The following RBFOX1 variants were observed in gnomAD, a reference collection of about 807,000 sequenced individuals.
The protein encoded by RBFOX1 is RNA binding protein fox-1 homolog 1.
Under a neutral mutation model 57.7 loss-of-function variants are expected in RBFOX1, and 8 were observed. The ratio of observed to expected loss-of-function variants is 0.14; its 90% confidence interval spans 0.08 to 0.25. The LOEUF is 0.25. Ranked by LOEUF, RBFOX1 falls within the 10% of genes least tolerant of loss-of-function variation. The pLI, the probability that RBFOX1 is intolerant of heterozygous loss-of-function variation, is 1.00. For missense variants in RBFOX1, 611 were observed against 548.5 expected (o/e 1.11, Z -1.14); for synonymous variants, 326 against 222.4 (o/e 1.47, Z -4.15).
Position 7,691,374 on chromosome 16 carries a change from A to C in RBFOX1, c.995+14536A>C, listed in dbSNP as rs184691750. ...AATCAATACACATAGGTTTTCAAAA[A>C]AAAAAAGTGGGGGAGAGAAAGAATG... On this transcript the variant is annotated intron_variant, in intron 14 of 15. Coordinates refer to ENST00000550418, the MANE Select transcript of RBFOX1 (RefSeq NM_018723.4). Among the ~76,000 whole-genome samples the C allele has an allele frequency of 6.6e-3, 1,007 of 152,048 alleles. 5 individuals carry two copies. The highest frequency in any genetic ancestry group is 0.017 in the Middle Eastern group (5 of 294).
intron 4 of RBFOX1, among the ~76,000 whole-genome samples, chr16:7,215,013 C>T (rs1281375924): frequency 6.6e-6 from 1 of 152,116 alleles, no homozygotes; most frequent in Admixed American, 6.5e-5. Flanking sequence ...AGGTTTTAAG[C>T]CCCACATGCA....
intron 2 of RBFOX1, among the ~76,000 whole-genome samples, chr16:6,560,231 G>GA (rs1567684281): frequency 1.3e-5 from 2 of 150,908 alleles, no homozygotes; most frequent in African/African-American, 2.4e-5. Context: ...TAGTTGGGGG[G>GA]AAAAACAATG....
chr16:7,653,718 C>A, intron 11 of RBFOX1, 97 bp from the exon 12 acceptor site: 2 of 1,552,586 alleles, frequency 1.3e-6, no homozygotes, highest in Non-Finnish European at 8.7e-7. Context: ...TGCTGGGACC[C>A]TGTGCAGGGA....
chr16:5,666,328 A>C (rs2049843738), intron 3 of RBFOX1, among the ~76,000 whole-genome samples: 1 of 152,178 alleles, frequency 6.6e-6, no homozygotes. Flanking sequence ...CTCGTGAAGC[A>C]ATGTGAAGGT....
chr16:5,898,117 G>T (rs2058211997), intron 4 of RBFOX1, among the ~76,000 whole-genome samples: 1 of 152,130 alleles, frequency 6.6e-6, no homozygotes, highest in Admixed American at 6.5e-5. Flanking sequence ...TTCTTCACAT[G>T]ATGGCAGGAA....
intron 2 of RBFOX1, among the ~76,000 whole-genome samples, chr16:6,434,294 T>A (rs927603964): frequency 1.3e-5 from 2 of 152,154 alleles, no homozygotes; most frequent in Non-Finnish European, 2.9e-5. Flanking sequence ...GATGAGGACA[T>A]GGACGTCTTT....
intron 1 of RBFOX1, among the ~76,000 whole-genome samples, chr16:6,314,534 G>C (rs144648798): frequency 1.9e-4 from 29 of 152,250 alleles, no homozygotes; most frequent in Non-Finnish European, 3.8e-4. Flanking sequence ...GTGAAGGGCA[G>C]TTTAGGATGA....
At chr16:7,283,035 A>T (rs537219637) in intron 4 of RBFOX1, among the ~76,000 whole-genome samples, 2 of 152,158 alleles carry the variant, frequency 1.3e-5, no homozygotes, top group South Asian at 4.1e-4. Context: ...CATTTTTGCA[A>T]TTGTGAATTG....
chr16:7,232,640 G>T (rs563752898), intron 4 of RBFOX1, among the ~76,000 whole-genome samples: 1 of 151,952 alleles, frequency 6.6e-6, no homozygotes, highest in Non-Finnish European at 1.5e-5. Context: ...TTGGGAGTTC[G>T]AGAACAGCCT....
rs569363563 is a variant in RBFOX1 at position 6,350,444 on chromosome 16, G to GAAAAAAAAA, written c.-64+33434_-64+33442dup. Among the ~76,000 whole-genome samples, 11 of 74,666 alleles carry GAAAAAAAAA rather than the reference G, an allele frequency of 1.5e-4. 1 individual carries two copies. The highest frequency in any genetic ancestry group is 1.0e-3 in the East Asian group (2 of 1,958). 49.0% of individuals were successfully genotyped at this position (74,666 alleles called of 152,430 possible). A position where few individuals can be genotyped will look rare whatever the true frequency, so the allele number is the denominator to read the frequency against. On this transcript the variant is annotated intron_variant, in intron 2 of 15. Transcript: ENST00000550418. ...CAACAAGAGTGAAACTCTGTCTCAA[G>GAAAAAAAAA]AAAAAAAAAAAAAAAAAAAAAAAAA... is the stretch of plus-strand genomic sequence containing the variant.
intron 3 of RBFOX1, among the ~76,000 whole-genome samples, chr16:6,764,495 C>T (rs765366778): frequency 4.6e-5 from 7 of 152,148 alleles, no homozygotes; most frequent in Non-Finnish European, 8.8e-5. Flanking sequence ...TCATTCATCC[C>T]ACGGATGCTT....
chr16:6,506,691 A>G (rs530214693), intron 2 of RBFOX1, among the ~76,000 whole-genome samples: 1 of 113,760 alleles, frequency 8.8e-6, no homozygotes, highest in African/African-American at 3.5e-5. Flanking sequence ...TTTGTCTCCC[A>G]GGCTGGAGTA....
chr16:5,950,933 A>C (rs1296723165), intron 4 of RBFOX1, among the ~76,000 whole-genome samples: 1 of 152,118 alleles, frequency 6.6e-6, no homozygotes, highest in Non-Finnish European at 1.5e-5. Flanking sequence ...TAAGAGACCT[A>C]CCCAAAGTTG....
intron 2 of RBFOX1, among the ~76,000 whole-genome samples, chr16:6,651,355 T>A (rs1006729729): frequency 1.4e-5 from 2 of 147,848 alleles, no homozygotes; most frequent in African/African-American, 2.5e-5. Context: ...AGACGTCCCA[T>A]TGATTTTATC....
At chr16:5,667,678 CA>C (rs931742465) in intron 3 of RBFOX1, among the ~76,000 whole-genome samples, 2 of 152,096 alleles carry the variant, frequency 1.3e-5, no homozygotes, top group African/African-American at 4.8e-5. Context: ...GATATCTTTT[CA>C]TTTATCCTTT....
At chr16:7,094,600 A>G (rs1599314159) in intron 4 of RBFOX1, among the ~76,000 whole-genome samples, 1 of 147,504 alleles carries the variant, frequency 6.8e-6, no homozygotes, top group South Asian at 2.2e-4. Context: ...TGTTCCCTTG[A>G]CTTGGGGACT....
At chr16:6,940,240 T>C (rs1268300773) in intron 3 of RBFOX1, among the ~76,000 whole-genome samples, 2 of 152,148 alleles carry the variant, frequency 1.3e-5, no homozygotes, top group Non-Finnish European at 2.9e-5. Context: ...AGGTTACCTC[T>C]GGCTATCAGA....
chr16:7,695,125 T>C (rs1289463357), intron 14 of RBFOX1, among the ~76,000 whole-genome samples: 1 of 152,222 alleles, frequency 6.6e-6, no homozygotes, highest in Admixed American at 6.5e-5. Flanking sequence ...AATGAATTGC[T>C]ATTGATCACA....
intron 4 of RBFOX1, among the ~76,000 whole-genome samples, chr16:7,129,520 C>G (rs1038283234): frequency 6.6e-6 from 1 of 152,036 alleles, no homozygotes; most frequent in Non-Finnish European, 1.5e-5. Flanking sequence ...AAGACCTTGC[C>G]ATGATACTCT....
Sources: gnomAD v4.1 joint callset for allele counts (sites outside exome capture counted in the v4.1 genomes callset) on GRCh38, gnomAD v4.1.1 for gene constraint, MANE v1.5 for transcripts, NCBI Gene and HGNC (gene_info 2026-07-23, HGNC 2026-07-21) for gene names.